FBLN5: variants seen among roughly 807,000 people sequenced by gnomAD.
FBLN5 encodes fibulin-5.
A neutral mutation model predicts 61.6 loss-of-function variants in FBLN5; 24 were observed. The ratio of observed to expected loss-of-function variants is 0.39; its 90% CI spans 0.28 to 0.55. The LOEUF (loss-of-function observed/expected upper bound fraction) is 0.55. Among genes scored for constraint, FBLN5 ranks in the 20% least tolerant of loss-of-function variants. FBLN5 has a pLI of 0.65. For missense variants in FBLN5, 470 were observed against 594.1 expected, an observed-to-expected ratio of 0.79 and a Z score of 2.17; for synonymous variants, 213 against 219.8, an observed-to-expected ratio of 0.97 and a Z score of 0.27.
intron 2 of FBLN5, chr14:91,942,232 C>T: frequency 4.4e-6 from 2 of 454,490 alleles, no homozygotes; most frequent in Non-Finnish European, 8.8e-6. Flanking sequence ...CCCTAAGGCC[C>T]TGAGCCTGGC....
chr14:91,919,110 C>G (rs1303837829), intron 4 of FBLN5, among the ~76,000 whole-genome samples: 1 of 152,016 alleles, frequency 6.6e-6, no homozygotes, highest in Admixed American at 6.6e-5. Flanking sequence ...ATGGGTGGAT[C>G]ACTTGAGCCC....
chr14:91,922,622 A>G (rs745803388), intron 4 of FBLN5, among the ~76,000 whole-genome samples: 2 of 152,188 alleles, frequency 1.3e-5, no homozygotes, highest in Non-Finnish European at 1.5e-5. Context: ...CAATCCTGGA[A>G]AAAGGATCTG....
At chr14:91,909,298 CTG>C (rs1286102623) in intron 4 of FBLN5, among the ~76,000 whole-genome samples, 1 of 152,190 alleles carries the variant, frequency 6.6e-6, no homozygotes. Flanking sequence ...AGCCATAAGA[CTG>C]TGAGTGATGC....
At position 91,905,704 on chromosome 14, in the gene FBLN5, C is replaced by T. The variant is rs576540817; in HGVS notation, c.380-10632G>A. On this transcript the variant is annotated intron_variant, in intron 4 of 10. Coordinates refer to ENST00000342058, the MANE Select transcript of FBLN5 (RefSeq NM_006329.4). ...AAGCGATTCTCCTGCCTCAGCCTCC[C>T]GAGTAGCTGGAATTACAGGCACATG... Among the ~76,000 whole-genome samples, 12 of 151,722 alleles carry T rather than the reference C, an allele frequency of 7.9e-5. No homozygotes were observed. In the South Asian group the frequency reaches 1.9e-3, roughly 24 times the overall value.
chr14:91,926,567 G>T (rs551001621), intron 4 of FBLN5, among the ~76,000 whole-genome samples: 1 of 152,308 alleles, frequency 6.6e-6, no homozygotes, highest in African/African-American at 2.4e-5. Context: ...CAGAGGGGGT[G>T]AAGTGTCAAG....
chr14:91,930,621 T>C (rs1009541045), intron 4 of FBLN5, among the ~76,000 whole-genome samples: 4 of 152,190 alleles, frequency 2.6e-5, no homozygotes, highest in Non-Finnish European at 5.9e-5. Context: ...CAGAGGACTG[T>C]ATAAAAACTA....
In FBLN5 at chr14:91,869,861, G is replaced by A. The variant is rs536827304; in HGVS notation, c.*363C>T. 5.9e-4 allele frequency: 201 copies of A among 340,062 alleles called. No individual in the cohort carries two copies. Among genetic ancestry groups the A allele is most frequent in the Middle Eastern group, 1.1e-3 (1 of 948 alleles). The allele number at this position is 340,062 out of a possible 1,614,324, so 21.1% of individuals were successfully genotyped here. ...GAGAAGGAGTGGAAGAGGTGAAGAA[G>A]TGACAGCAAGCTGTTCACAGTCTTT... On this transcript the variant is annotated 3_prime_UTR_variant, in exon 11 of 11. Transcript: ENST00000342058.
At chr14:91,906,802 G>A (rs1197788975) in intron 4 of FBLN5, among the ~76,000 whole-genome samples, 1 of 152,266 alleles carries the variant, frequency 6.6e-6, no homozygotes, top group East Asian at 1.9e-4. Context: ...CAGTGCCCGA[G>A]TCCCACTGCC....
chr14:91,902,417 ATC>A (rs772458954), intron 4 of FBLN5, among the ~76,000 whole-genome samples: 143 of 152,192 alleles, frequency 9.4e-4, no homozygotes, highest in African/African-American at 2.7e-3. Flanking sequence ...AAATTTTGGA[ATC>A]TTTAGAAGCC....
At chr14:91,885,899 T>C (rs1889706221) in intron 7 of FBLN5, among the ~76,000 whole-genome samples, 1 of 152,232 alleles carries the variant, frequency 6.6e-6, no homozygotes, top group African/African-American at 2.4e-5. Context: ...AGGAAGAAAG[T>C]GGCTTTTCAT....
In FBLN5 at chr14:91,933,191, C is replaced by T. The variant is rs576746925; in HGVS notation, c.379+3756G>A. On this transcript the variant is annotated intron_variant, in intron 4 of 10. Transcript: ENST00000342058. ...ACAATCAGAGAGATTTGAACACTAC[C>T]TGGATATTTAATGATAAAAAGAGAT... 9.2e-4 allele frequency among the ~76,000 whole-genome samples: 140 copies of T among 152,288 alleles called. 1 individual carries two copies. The Middle Eastern group carries it at 0.02, about 22-fold the overall frequency.
At position 91,931,355 on chromosome 14, in the gene FBLN5, T is replaced by C. The variant is rs536839692; in HGVS notation, c.379+5592A>G. 5.9e-5 allele frequency among the ~76,000 whole-genome samples: 9 copies of C among 152,230 alleles called. 1 individual carries two copies. The East Asian group carries it at 1.5e-3, about 26-fold the overall frequency. On this transcript the variant is annotated intron_variant, in intron 4 of 10. Transcript: ENST00000342058. Reference sequence around the variant, plus strand: ...CTCCGTGGCCATGCAAAACTCCACATCCCCCTCGGTGCCTAGGCCAGAGCC... The same window carrying C: ...CTCCGTGGCCATGCAAAACTCCACACCCCCCTCGGTGCCTAGGCCAGAGCC...
At chr14:91,911,001 TAA>T (rs1890900499) in intron 4 of FBLN5, among the ~76,000 whole-genome samples, 2 of 151,520 alleles carry the variant, frequency 1.3e-5, no homozygotes, top group Non-Finnish European at 2.9e-5. Flanking sequence ...TTTTTTTTTT[TAA>T]TACAGAGTCT....
At chr14:91,923,070 C>G (rs1056900468) in intron 4 of FBLN5, among the ~76,000 whole-genome samples, 1 of 152,168 alleles carries the variant, frequency 6.6e-6, no homozygotes, top group African/African-American at 2.4e-5. Context: ...AGAAGCCACC[C>G]TTCACCTGGT....
At chr14:91,930,830 A>T (rs978359842) in intron 4 of FBLN5, among the ~76,000 whole-genome samples, 2 of 152,198 alleles carry the variant, frequency 1.3e-5, no homozygotes, top group Admixed American at 6.5e-5. Context: ...GTGAAGCCAC[A>T]TCAGGCTTAG....
intron 4 of FBLN5, among the ~76,000 whole-genome samples, chr14:91,923,054 G>C (rs1245952675): frequency 6.6e-6 from 1 of 152,164 alleles, no homozygotes; most frequent in African/African-American, 2.4e-5. Context: ...AAAGCTGCCT[G>C]TCTCCAGAAG....
At chr14:91,911,599 A>G (rs1890941337) in intron 4 of FBLN5, among the ~76,000 whole-genome samples, 1 of 152,218 alleles carries the variant, frequency 6.6e-6, no homozygotes, top group South Asian at 2.1e-4. Context: ...GGAACCTTCC[A>G]CTAGCTCCGC....
In FBLN5 at chr14:91,937,120, A is replaced by C; in HGVS notation, c.206T>G (p.Ile69Ser). The part of the protein sequence containing the change: ...CVNQNGGYLC[I>S]PRTNPVYRGP... Reference sequence around the variant, plus strand: ...TCGATACACAGGGTTTGTCCGGGGAATGCATAAATACCCGCCATTTTGGTT... The same window carrying C: ...TCGATACACAGGGTTTGTCCGGGGACTGCATAAATACCCGCCATTTTGGTT... Residue 69 changes from isoleucine (I) to serine (S), a missense_variant, in exon 4 of 11, where the codon ATT (isoleucine) becomes AGT (serine). Physicochemically the swap from Ile to Ser is moderately radical, Grantham distance 142 (BLOSUM62 -2). Coordinates refer to ENST00000342058, the MANE Select transcript of FBLN5 (RefSeq NM_006329.4). 1 of 1,614,100 alleles carries C rather than the reference A, an allele frequency of 6.2e-7. No individual in the cohort carries two copies. Among genetic ancestry groups the C allele is most frequent in the East Asian group, 2.2e-5 (1 of 44,870 alleles).
intron 4 of FBLN5, among the ~76,000 whole-genome samples, chr14:91,918,556 T>A (rs1466336377): frequency 2.0e-5 from 3 of 152,176 alleles, no homozygotes; most frequent in Non-Finnish European, 2.9e-5. Flanking sequence ...GTTTGTAGAT[T>A]CTTCTGTTGA....
Sources: allele counts gnomAD v4.1 joint callset (sites outside exome capture counted in the v4.1 genomes callset), GRCh38; gene constraint gnomAD v4.1.1; transcripts MANE v1.5; gene names NCBI Gene and HGNC (gene_info 2026-07-23, HGNC 2026-07-21).